Variants in SF3B2 observed in about 807,000 individuals in gnomAD.
SF3B2 encodes the protein splicing factor 3b subunit 2.
A neutral mutation model predicts 116.3 loss-of-function variants in SF3B2; 22 were observed. The ratio of observed to expected loss-of-function variants is 0.19; its 90% CI spans 0.14 to 0.27. SF3B2 has a LOEUF of 0.27. Ranked by LOEUF, SF3B2 falls within the 10% of genes least tolerant of loss-of-function variation. The pLI is 1.00. For synonymous variants in SF3B2, 406 were observed against 421.6 expected (o/e 0.96, Z 0.45); for missense variants, 767 against 1,151.4 (o/e 0.67, Z 4.83).
At chr11:66,053,358 C>T (rs1403731618) in intron 3 of SF3B2, 3 of 508,452 alleles carry the variant, frequency 5.9e-6, no homozygotes, top group Middle Eastern at 5.3e-4. Flanking sequence ...CTGACACTTG[C>T]CTCCTTTTCC....
At chr11:66,057,183 A>G (rs1363910674) in intron 6 of SF3B2, 83 bp from the exon 7 acceptor site, 1 of 980,358 alleles carries the variant, frequency 1.0e-6, no homozygotes, top group Non-Finnish European at 1.7e-6. Context: ...CAGGTTTACC[A>G]TCACCCTTTC....
intron 17 of SF3B2, 120 bp downstream of exon 17, chr11:66,063,236 A>G (rs990821865): frequency 9.0e-6 from 9 of 999,094 alleles, no homozygotes; most frequent in South Asian, 6.5e-5. Context: ...GGAAAAGGGC[A>G]TACATTTTCC....
intron 16 of SF3B2, among the ~76,000 whole-genome samples, chr11:66,062,671 T>C (rs1857119092): frequency 6.6e-6 from 1 of 152,116 alleles, no homozygotes; most frequent in African/African-American, 2.4e-5. Context: ...GATAAATAGA[T>C]TCTGAACAAG....
chr11:66,059,459 G>A lies in SF3B2; in HGVS notation c.1321-56G>A. On this transcript the variant is annotated intron_variant, in intron 11 of 21. Transcript: ENST00000322535. This position sits in a 1 kb window ranked among gnomAD's most constrained non-coding sequence, Gnocchi z 5.0. Reference sequence around the variant, plus strand: ...TGGTGGCTTAAGGTTGGGGTGGGTTGGGCAGTTTCATTCACATCTGAGTCC... The same window carrying A: ...TGGTGGCTTAAGGTTGGGGTGGGTTAGGCAGTTTCATTCACATCTGAGTCC... The A allele has an allele frequency of 6.2e-7, 1 of 1,609,168 alleles. No individual in the cohort carries two copies. The highest frequency in any genetic ancestry group is 2.2e-5 in the East Asian group (1 of 44,840).
chr11:66,057,991 GAAAGA>G (rs1857032622), intron 7 of SF3B2, 58 bp from the exon 8 acceptor site: 13 of 1,168,114 alleles, frequency 1.1e-5, no homozygotes, highest in Non-Finnish European at 1.4e-5. Flanking sequence ...AAAAAAGAAA[GAAAGA>G]AAAAAAAAAG....
chr11:66,052,881 C>G, intron 2 of SF3B2, 146 bp from the exon 3 acceptor site: 1 of 1,202,722 alleles, frequency 8.3e-7, no homozygotes, highest in East Asian at 2.3e-5. Flanking sequence ...GTTGTAATTT[C>G]TTGTATCCAT....
Position 66,059,333 on chromosome 11 carries a change from G to A in SF3B2, c.1315G>A (p.Glu439Lys), listed in dbSNP as rs761900211. 5 of 1,613,760 alleles carry A rather than the reference G, an allele frequency of 3.1e-6. No homozygotes were observed. In the Admixed American group the frequency reaches 8.3e-5, roughly 27 times the overall value. The change falls in exon 11 of 22, where the codon GAG becomes AAG. Residue 439 changes from glutamate to lysine, a missense_variant. Physicochemically the swap from Glu to Lys is moderately conservative, Grantham distance 56 (BLOSUM62 1). This residue lies in a region of SF3B2 where 282 missense variants were observed against 568.0 expected (regional missense o/e 0.50). Coordinates refer to ENST00000322535, the MANE Select transcript of SF3B2 (RefSeq NM_006842.3). This position sits in a 1 kb window ranked among gnomAD's most constrained non-coding sequence, Gnocchi z 5.0. ...CAGTGATGATGACAGCAGTGATGAC[G>A]AGCAGGTCAGGCCCAGCCCTCCTGG... The part of the protein sequence containing the change: ...KDSDDDSSDD[E>K]QEKKPEAPKL...
At position 66,052,389 on chromosome 11, in the gene SF3B2, C is replaced by A. The variant is rs373935988; in HGVS notation, c.5C>A (p.Ala2Glu). 4.3e-6 allele frequency: 7 copies of A among 1,610,002 alleles called. No individual in the cohort carries two copies. Among genetic ancestry groups the A allele is most frequent in the Non-Finnish European group, 5.9e-6 (7 of 1,178,754 alleles). Residue 2 changes from alanine to glutamate, a missense_variant, in exon 1 of 22, where the codon GCG becomes GAG. This residue lies in a region of SF3B2 where 455 missense variants were observed against 537.5 expected (regional missense o/e 0.85). Coordinates refer to ENST00000322535, the MANE Select transcript of SF3B2 (RefSeq NM_006842.3). The part of the protein sequence containing the change: M[A>E]TEHPEPPKAE... The stretch of plus-strand genomic sequence containing the variant: ...GCGCGCCTTCCTGCGGCTAAGATGG[C>A]GACGGAGCATCCCGAGCCTCCCAAA...
intron 19 of SF3B2, 59 bp from the exon 20 acceptor site, chr11:66,067,887 C>T (rs984353239): frequency 2.3e-5 from 33 of 1,425,364 alleles, no homozygotes; most frequent in Non-Finnish European, 2.9e-5. Flanking sequence ...CTTTTGTTTC[C>T]GCTTCTGGAG....
chr11:66,059,656 A>G lies in SF3B2; in HGVS notation c.1401+61A>G. On this transcript the variant is annotated intron_variant, in intron 12 of 21. Transcript: ENST00000322535. The surrounding 1 kb of genome is among the most constrained non-coding windows in gnomAD (Gnocchi z 5.0). The stretch of plus-strand genomic sequence containing the variant: ...CAGCTGGGAGACCACCTGGGGAGCC[A>G]GGGAGGTGAAAAGGAGTTCTTTGAA... The G allele has an allele frequency of 6.3e-7, 1 of 1,596,152 alleles. No homozygotes were observed. Among genetic ancestry groups the G allele is most frequent in the Non-Finnish European group, 8.6e-7 (1 of 1,163,946 alleles).
chr11:66,060,542 T>G, intron 13 of SF3B2, 40 bp from the exon 14 acceptor site: 1 of 1,610,952 alleles, frequency 6.2e-7, no homozygotes, highest in Non-Finnish European at 8.5e-7. Context: ...ATGAATTTGG[T>G]GAGTACTTGT....
chr11:66,068,451 GCTTC>G, intron 21 of SF3B2, 118 bp downstream of exon 21: 3 of 1,110,536 alleles, frequency 2.7e-6, no homozygotes, highest in Non-Finnish European at 3.8e-6. Flanking sequence ...GCTGCTCTGT[GCTTC>G]CTTAGATTTG....
chr11:66,066,320 C>G (rs1403897353), intron 19 of SF3B2: 1 of 151,238 alleles, frequency 6.6e-6, no homozygotes, highest in African/African-American at 2.4e-5. Context: ...CTTTTCCTTT[C>G]TTTTTTTGAG....
intron 16 of SF3B2, among the ~76,000 whole-genome samples, chr11:66,062,485 A>G (rs1431180470): frequency 6.6e-6 from 1 of 152,022 alleles, no homozygotes; most frequent in African/African-American, 2.4e-5. Context: ...TTAAAAAAAA[A>G]AAAAAAGAAA....
At chr11:66,061,803 G>A in intron 15 of SF3B2, 28 bp downstream of exon 15, 1 of 1,606,904 alleles carries the variant, frequency 6.2e-7, no homozygotes, top group Non-Finnish European at 8.5e-7. Context: ...GTCTGGGGAA[G>A]CAGCGAAGAG....
Position 66,061,943 on chromosome 11 carries a change from C to T in SF3B2, c.1922C>T (p.Pro641Leu). 1 of 1,613,796 alleles carries T rather than the reference C, an allele frequency of 6.2e-7. No individual in the cohort carries two copies. Among genetic ancestry groups the T allele is most frequent in the Non-Finnish European group, 8.5e-7 (1 of 1,179,934 alleles). The stretch of plus-strand genomic sequence containing the variant: ...CTGATTGCCATGCAGCGATATGGAC[C>T]ACCCCCATCGTATCCCAACCTGAAA... ...PWLIAMQRYG[P>L]PPSYPNLKIP... Residue 641 changes from proline (P) to leucine (L), a missense_variant, in exon 16 of 22, where the codon CCA (proline) becomes CTA (leucine). Pro to Leu is a moderately conservative substitution (Grantham distance 98). Around this residue, in one of 4 missense-constraint regions of SF3B2, gnomAD observed 282 missense variants for 568.0 expected, o/e 0.50. Coordinates refer to ENST00000322535, the MANE Select transcript of SF3B2 (RefSeq NM_006842.3).
rs1368648605 is a variant in SF3B2, at chr11:66,063,382, T to C, written c.2086-18T>C. 1.2e-6 allele frequency: 2 copies of C among 1,600,754 alleles called. No individual in the cohort carries two copies. Among genetic ancestry groups the C allele is most frequent in the Admixed American group, 3.5e-5 (2 of 57,344 alleles). On this transcript the variant is annotated intron_variant, in intron 17 of 21. Transcript: ENST00000322535. ...TACTTAGAAAACATTTGTTGAATGA[T>C]AAAGTGATCTCTTTCAGACCAAGAC...
At chr11:66,067,498 T>C in intron 19 of SF3B2, 1 of 456,456 alleles carries the variant, frequency 2.2e-6, no homozygotes, top group South Asian at 1.5e-5. Flanking sequence ...TCCTTGAAAT[T>C]AGTGGTGAAA....
chr11:66,065,772 T>C (rs927017618), intron 19 of SF3B2: 4 of 152,204 alleles, frequency 2.6e-5, no homozygotes, highest in African/African-American at 9.6e-5. Context: ...ACAATATAAT[T>C]CTCCTTTCTA....
Sources: allele counts gnomAD v4.1 joint callset (sites outside exome capture counted in the v4.1 genomes callset), GRCh38; gene constraint gnomAD v4.1.1; regional missense constraint gnomAD v4.1.1; non-coding constraint Gnocchi (gnomAD v3.1); transcripts MANE v1.5; gene names NCBI Gene and HGNC (gene_info 2026-07-23, HGNC 2026-07-21).